The following RBMS3 variants were observed in gnomAD, a reference collection of about 807,000 sequenced individuals.
RBMS3 encodes the protein RNA binding motif single stranded interacting protein 3.
RBMS3 carries 27 observed loss-of-function variants against 66.8 expected under a neutral mutation model. That is an observed-to-expected ratio of 0.40 (90% CI 0.30 to 0.56). The LOEUF (loss-of-function observed/expected upper bound fraction) is 0.56. Among genes scored for constraint, RBMS3 ranks in the 20% least tolerant of loss-of-function variants. The probability of loss-of-function intolerance (pLI) is 0.40; values close to 1 mark genes in which losing one functional copy is unlikely to be tolerated. For synonymous variants in RBMS3, 188 were observed against 183.0 expected (o/e 1.03, Z -0.22); for missense variants, 513 against 549.5 (o/e 0.93, Z 0.66).
chr3:29,441,851 A>G (rs73042584), intron 2 of RBMS3, among the ~76,000 whole-genome samples: 37,868 of 152,100 alleles, frequency 0.25, 4,752 homozygotes, highest in African/African-American at 0.27. Context: ...CCCCTGTTTT[A>G]GCTCTCTTAC....
intron 2 of RBMS3, among the ~76,000 whole-genome samples, chr3:29,441,617 A>C (rs1305645740): frequency 1.3e-5 from 2 of 152,166 alleles, no homozygotes; most frequent in Admixed American, 6.6e-5. Context: ...AATGAGAATA[A>C]GGGTGGCATA....
At chr3:29,593,837 G>C (rs1376960257) in intron 4 of RBMS3, among the ~76,000 whole-genome samples, 1 of 152,112 alleles carries the variant, frequency 6.6e-6, no homozygotes, top group Non-Finnish European at 1.5e-5. Context: ...TTCACATAGG[G>C]TATTACAAAA....
At chr3:29,911,292 T>C (rs1421357170) in intron 10 of RBMS3, among the ~76,000 whole-genome samples, 1 of 152,028 alleles carries the variant, frequency 6.6e-6, no homozygotes, top group Non-Finnish European at 1.5e-5. Context: ...CTGGTGAACA[T>C]CTAAGAGAAA....
At chr3:29,857,310 T>C (rs773532118) in intron 6 of RBMS3, among the ~76,000 whole-genome samples, 17 of 152,104 alleles carry the variant, frequency 1.1e-4, no homozygotes, top group Non-Finnish European at 4.4e-5. Context: ...GAATCCTAAG[T>C]GAATGCTCTA....
chr3:29,497,052 T>G (rs1422895038), intron 3 of RBMS3, among the ~76,000 whole-genome samples: 1 of 151,948 alleles, frequency 6.6e-6, no homozygotes, highest in African/African-American at 2.4e-5. Context: ...AGACAGAGTC[T>G]CACTCTGTCA....
intron 6 of RBMS3, among the ~76,000 whole-genome samples, chr3:29,810,494 T>C (rs1269178992): frequency 6.6e-6 from 1 of 152,126 alleles, no homozygotes; most frequent in African/African-American, 2.4e-5. Flanking sequence ...TGCATATGTG[T>C]GCATAGAATT....
At chr3:29,884,342 TTCA>T (rs1324556422) in intron 8 of RBMS3, 134 bp downstream of exon 8, 153 of 778,746 alleles carry the variant, frequency 2.0e-4, no homozygotes, top group South Asian at 1.9e-5. Context: ...CCAAGCATTT[TTCA>T]TCATTATAGT....
At chr3:29,633,158 A>G (rs554350082) in intron 4 of RBMS3, among the ~76,000 whole-genome samples, 2 of 151,960 alleles carry the variant, frequency 1.3e-5, no homozygotes, top group South Asian at 4.1e-4. Context: ...TGCAGAAACA[A>G]TAGAATGCTT....
At chr3:29,964,552 A>G (rs377312928) in intron 12 of RBMS3, among the ~76,000 whole-genome samples, 2 of 152,170 alleles carry the variant, frequency 1.3e-5, no homozygotes, top group East Asian at 3.9e-4. Context: ...TCTGAACTTT[A>G]TACCTCTGGA....
chr3:29,950,217 T>C (rs947257673), intron 12 of RBMS3, among the ~76,000 whole-genome samples: 1 of 151,832 alleles, frequency 6.6e-6, no homozygotes, highest in Admixed American at 6.6e-5. Context: ...AAACGACGCT[T>C]AGTGATGCAG....
At chr3:29,301,999 A>G (rs2033704297) in intron 1 of RBMS3, among the ~76,000 whole-genome samples, 1 of 151,912 alleles carries the variant, frequency 6.6e-6, no homozygotes, top group African/African-American at 2.4e-5. Context: ...CACCAAGTAC[A>G]ATATTAAATT....
chr3:29,742,263 A>G (rs1003788093), intron 5 of RBMS3, among the ~76,000 whole-genome samples: 7 of 152,168 alleles, frequency 4.6e-5, no homozygotes, highest in Admixed American at 2.0e-4. Context: ...TTTACATTTT[A>G]GCTCTATTCT....
intron 6 of RBMS3, among the ~76,000 whole-genome samples, chr3:29,801,080 T>C (rs974619758): frequency 3.3e-5 from 5 of 151,782 alleles, no homozygotes; most frequent in African/African-American, 1.2e-4. Flanking sequence ...TGAAAGTCAG[T>C]GTAAGTTAAT....
intron 3 of RBMS3, among the ~76,000 whole-genome samples, chr3:29,503,577 ATAAC>A (rs1415262354): frequency 6.6e-6 from 1 of 152,066 alleles, no homozygotes; most frequent in Non-Finnish European, 1.5e-5. Context: ...CAATCCTAAT[ATAAC>A]TGGATCCTGC....
chr3:29,909,070 G>T (rs1369672989), intron 10 of RBMS3, among the ~76,000 whole-genome samples: 34 of 152,080 alleles, frequency 2.2e-4, no homozygotes, highest in Admixed American at 2.2e-3. Flanking sequence ...AGTATGGGAG[G>T]AGAGTCTCAA....
intron 6 of RBMS3, among the ~76,000 whole-genome samples, chr3:29,790,597 T>C (rs917776150): frequency 1.3e-5 from 2 of 152,142 alleles, no homozygotes; most frequent in African/African-American, 4.8e-5. Flanking sequence ...AGAGATTCTC[T>C]AAAATGACCC....
intron 3 of RBMS3, among the ~76,000 whole-genome samples, chr3:29,568,842 A>G (rs2046834977): frequency 6.6e-6 from 1 of 152,200 alleles, no homozygotes; most frequent in Admixed American, 6.6e-5. Flanking sequence ...GGAAGATCCA[A>G]TAGAGGTTCA....
At chr3:29,963,006 T>G (rs1696586083) in intron 12 of RBMS3, among the ~76,000 whole-genome samples, 1 of 152,080 alleles carries the variant, frequency 6.6e-6, no homozygotes, top group Non-Finnish European at 1.5e-5. Context: ...GTATCCCCTG[T>G]GCCCTTCACA....
intron 7 of RBMS3, among the ~76,000 whole-genome samples, chr3:29,871,556 G>T (rs2059492225): frequency 6.6e-6 from 1 of 151,990 alleles, no homozygotes; most frequent in Non-Finnish European, 1.5e-5. Flanking sequence ...GTTTTTGCTT[G>T]TTTGTTTGTT....
Sources: gnomAD v4.1 joint callset for allele counts (sites outside exome capture counted in the v4.1 genomes callset) on GRCh38, gnomAD v4.1.1 for gene constraint, MANE v1.5 for transcripts, NCBI Gene and HGNC (gene_info 2026-07-23, HGNC 2026-07-21) for gene names.